RBPJ: variants seen among roughly 807,000 people sequenced by gnomAD.
The protein encoded by RBPJ is recombining binding protein suppressor of hairless.
Under a neutral mutation model 67.8 loss-of-function variants are expected in RBPJ, and 9 were observed. The observed-to-expected ratio is 0.13, with a 90% confidence interval of 0.08 to 0.23. RBPJ has a LOEUF of 0.23. Ranked by LOEUF, RBPJ falls within the 10% of genes least tolerant of loss-of-function variation. RBPJ has a pLI of 1.00. For synonymous variants in RBPJ, 198 were observed against 203.3 expected (o/e 0.97, Z 0.22); for missense variants, 305 against 595.6 (o/e 0.51, Z 5.08).
At chr4:26,428,562 C>T in intron 7 of RBPJ, 158 bp from the exon 8 acceptor site, 1 of 550,478 alleles carries the variant, frequency 1.8e-6, no homozygotes, top group Non-Finnish European at 3.2e-6. Context: ...TATTCCTAGT[C>T]TTTTTGTTTG....
chr4:26,373,693 A>G (rs888848466), intron 1 of RBPJ, among the ~76,000 whole-genome samples: 1 of 152,222 alleles, frequency 6.6e-6, no homozygotes, highest in African/African-American at 2.4e-5. Context: ...TTGATAGTGT[A>G]AGCCGTACAT....
At chr4:26,304,404 T>C (rs1404392195) in intron 1 of RBPJ, among the ~76,000 whole-genome samples, 1 of 152,216 alleles carries the variant, frequency 6.6e-6, no homozygotes, top group Non-Finnish European at 1.5e-5. Context: ...TCGTTACCCT[T>C]TGAAGAACTG....
At chr4:26,256,670 G>A (rs1046401398) in intron 1 of RBPJ, among the ~76,000 whole-genome samples, 2 of 152,160 alleles carry the variant, frequency 1.3e-5, no homozygotes, top group Non-Finnish European at 2.9e-5. Flanking sequence ...TCCATAGCTA[G>A]AAGAATTGAA....
At chr4:26,372,664 G>A (rs539801171) in intron 1 of RBPJ, among the ~76,000 whole-genome samples, 8 of 152,266 alleles carry the variant, frequency 5.3e-5, no homozygotes, top group Non-Finnish European at 1.2e-4. Flanking sequence ...TCCTATACTA[G>A]TGTTTCCATA....
intron 2 of RBPJ, among the ~76,000 whole-genome samples, chr4:26,392,928 T>TTTTTG (rs573493390): frequency 7.9e-5 from 12 of 152,282 alleles, no homozygotes; most frequent in African/African-American, 1.4e-4. Flanking sequence ...TTTGTTTATT[T>TTTTTG]TTTTGTTTTG....
chr4:26,420,799 A>G (rs1735053619), intron 5 of RBPJ, 74 bp downstream of exon 5: 6 of 1,337,520 alleles, frequency 4.5e-6, no homozygotes, highest in Non-Finnish European at 6.0e-6. Flanking sequence ...TAAATTAAAA[A>G]TTGCCTTTTC....
chr4:26,330,550 T>C (rs1724128149), intron 1 of RBPJ, among the ~76,000 whole-genome samples: 1 of 152,240 alleles, frequency 6.6e-6, no homozygotes, highest in African/African-American at 2.4e-5. Context: ...AAAACTCATT[T>C]AGACTGTTGA....
chr4:26,424,932 T>TA lies in RBPJ; in HGVS notation c.747+191dup, dbSNP rs1735486552. The TA allele has an allele frequency of 2.1e-6, 1 of 468,838 alleles. No individual in the cohort carries two copies. The highest frequency in any genetic ancestry group is 3.7e-6 in the Non-Finnish European group (1 of 267,372). 29.0% of individuals were successfully genotyped at this position (468,838 alleles called of 1,614,324 possible). On this transcript the variant is annotated intron_variant, in intron 7 of 10. Transcript: ENST00000355476. This position sits in a 1 kb window ranked among gnomAD's most constrained non-coding sequence, Gnocchi z 5.3. Reference sequence around the variant, plus strand: ...ACCTTATTTCAGAAATGCTTTAAGGTAATAGCCAGTTTTTACAAGTACATT... The same window carrying TA: ...ACCTTATTTCAGAAATGCTTTAAGGTAAATAGCCAGTTTTTACAAGTACATT...
rs1481055767 is a variant in RBPJ, at chr4:26,264,303, A to C, written c.-166-98143A>C. Among the ~76,000 whole-genome samples, 3 of 152,096 alleles carry C rather than the reference A, an allele frequency of 2.0e-5. No individual in the cohort carries two copies. The highest frequency in any genetic ancestry group is 7.3e-5 in the African/African-American group (3 of 41,354). On this transcript the variant is annotated intron_variant, in intron 1 of 4. Coordinates refer to the RBPJ transcript ENST00000512351. This position sits in a 1 kb window ranked among gnomAD's most constrained non-coding sequence, Gnocchi z 4.1. Reference sequence around the variant, plus strand: ...ATACTTATTAATTCAGATCTTAGTAATTAATTATTATTAATACTTATTAAT... The same window carrying C: ...ATACTTATTAATTCAGATCTTAGTACTTAATTATTATTAATACTTATTAAT...
At chr4:26,398,122 A>G (rs1732347365) in intron 2 of RBPJ, among the ~76,000 whole-genome samples, 1 of 152,128 alleles carries the variant, frequency 6.6e-6, no homozygotes, top group Non-Finnish European at 1.5e-5. Flanking sequence ...TGATACAACA[A>G]AAATAAGTTT....
chr4:26,408,873 G>A (rs1415925687), intron 3 of RBPJ, among the ~76,000 whole-genome samples: 1 of 152,134 alleles, frequency 6.6e-6, no homozygotes, highest in Non-Finnish European at 1.5e-5. Flanking sequence ...TCTAGAGCAG[G>A]GATTGAGGAG....
intron 2 of RBPJ, among the ~76,000 whole-genome samples, chr4:26,398,251 C>T (rs1372852131): frequency 2.0e-5 from 3 of 152,152 alleles, no homozygotes; most frequent in African/African-American, 7.2e-5. Flanking sequence ...GACCTCCCAT[C>T]TTTGTGGTGG....
chr4:26,339,287 A>T (rs1169355370), intron 1 of RBPJ, among the ~76,000 whole-genome samples: 2 of 152,098 alleles, frequency 1.3e-5, no homozygotes, highest in East Asian at 3.9e-4. Flanking sequence ...AACTTAACCA[A>T]GTTTACCTGC....
chr4:26,424,590 T>A lies in RBPJ; in HGVS notation c.635-41T>A, dbSNP rs772144232. ...CATTTGCCTAATCATAAAATAAATT[T>A]AAAAAGATGACAATTTGATTTATTT... On this transcript the variant is annotated intron_variant, in intron 6 of 10. Transcript: ENST00000355476. The surrounding 1 kb of genome is among the most constrained non-coding windows in gnomAD (Gnocchi z 5.3). 1.9e-5 allele frequency: 29 copies of A among 1,560,024 alleles called. No homozygotes were observed. In the Admixed American group the frequency reaches 2.3e-4, roughly 12 times the overall value.
At chr4:26,220,125 G>T (rs1405870639) in intron 1 of RBPJ, among the ~76,000 whole-genome samples, 2 of 152,082 alleles carry the variant, frequency 1.3e-5, no homozygotes, top group Non-Finnish European at 2.9e-5. Flanking sequence ...CAGAGTTTGT[G>T]CTCTGAGCCA....
At chr4:26,207,383 C>T (rs1368297865) in intron 1 of RBPJ, among the ~76,000 whole-genome samples, 2 of 152,072 alleles carry the variant, frequency 1.3e-5, no homozygotes, top group Admixed American at 1.3e-4. Context: ...GTCACACCTT[C>T]TTCTCCACGT....
chr4:26,110,309 AG>A, the RBPJ span, among the ~76,000 whole-genome samples: 1 of 152,206 alleles, frequency 6.6e-6, no homozygotes, highest in African/African-American at 2.4e-5. This position sits in a 1 kb window ranked among gnomAD's most constrained non-coding sequence, Gnocchi z 4.5. Flanking sequence ...ACTTACTTGA[AG>A]GGAGAAGCTA....
chr4:26,416,918 T>C (rs891082889), intron 4 of RBPJ, among the ~76,000 whole-genome samples: 1 of 152,258 alleles, frequency 6.6e-6, no homozygotes, highest in African/African-American at 2.4e-5. Flanking sequence ...TGACTATGTA[T>C]TTTAAATTAG....
chr4:26,245,622 T>C (rs2109228710), intron 1 of RBPJ, among the ~76,000 whole-genome samples: 1 of 152,344 alleles, frequency 6.6e-6, no homozygotes, highest in Admixed American at 6.5e-5. Context: ...CCTGTGATTT[T>C]AGCTTTATAT....
Sources: gnomAD v4.1 joint callset for allele counts (sites outside exome capture counted in the v4.1 genomes callset) on GRCh38, gnomAD v4.1.1 for gene constraint, Gnocchi (gnomAD v3.1) non-coding constraint, MANE v1.5 for transcripts, NCBI Gene and HGNC (gene_info 2026-07-23, HGNC 2026-07-21) for gene names.